The following SLC4A8 variants were observed in gnomAD, a reference collection of about 807,000 sequenced individuals.
SLC4A8 encodes electroneutral sodium bicarbonate exchanger 1.
In SLC4A8, 40 loss-of-function variants were observed where a neutral mutation model predicts 125.0. That is an observed-to-expected ratio of 0.32 (90% CI 0.25 to 0.42). The LOEUF is 0.42. Ranked by LOEUF, SLC4A8 falls within the 10% of genes least tolerant of loss-of-function variation. The pLI is 1.00. For synonymous variants in SLC4A8, 456 were observed against 476.0 expected, an observed-to-expected ratio of 0.96 and a Z score of 0.55; for missense variants, 863 against 1,355.1, an observed-to-expected ratio of 0.64 and a Z score of 5.70.
intron 14 of SLC4A8, 121 bp downstream of exon 14, chr12:51,471,653 C>A: frequency 9.0e-7 from 1 of 1,108,624 alleles, no homozygotes; most frequent in Non-Finnish European, 1.3e-6. Context: ...CTTTAGGAAA[C>A]GGATCTCAGA....
chr12:51,498,417 T>C (rs1197167951), intron 22 of SLC4A8, among the ~76,000 whole-genome samples: 1 of 152,050 alleles, frequency 6.6e-6, no homozygotes, highest in Non-Finnish European at 1.5e-5. Context: ...AAGAAATGAT[T>C]GTGCAGCATC....
Position 51,433,880 on chromosome 12 carries a change from G to GTTTTTTTTTTTTTTT in SLC4A8, c.49-6826_49-6825insTTTTTTTTTTTTTTT, listed in dbSNP as rs1565772475. ...TTTTTTTTTTTTTTTTTTTTTTTTG[G>GTTTTTTTTTTTTTTT]TTGGTTTTTTTTTGAGACAGGGTCT... On this transcript the variant is annotated intron_variant, in intron 1 of 24. Coordinates refer to ENST00000453097, the MANE Select transcript of SLC4A8 (RefSeq NM_001039960.3). 2.8e-4 allele frequency among the ~76,000 whole-genome samples: 20 copies of GTTTTTTTTTTTTTTT among 71,732 alleles called. 1 individual carries two copies. The highest frequency in any genetic ancestry group is 4.1e-4 in the Admixed American group (3 of 7,400). The allele number at this position is 71,732 out of a possible 152,430, so 47.1% of individuals were successfully genotyped here.
intron 16 of SLC4A8, 30 bp downstream of exon 16, chr12:51,475,236 C>T (rs951146644): frequency 1.1e-5 from 18 of 1,606,806 alleles, no homozygotes; most frequent in East Asian, 4.5e-5. Flanking sequence ...ATTTCTTTCA[C>T]GTTAGAATCA....
intron 1 of SLC4A8, among the ~76,000 whole-genome samples, chr12:51,410,165 G>A (rs1318994432): frequency 6.6e-6 from 1 of 152,192 alleles, no homozygotes; most frequent in Non-Finnish European, 1.5e-5. Context: ...CACAGTGCAT[G>A]GGAGTGCCTG....
At position 51,508,717 on chromosome 12, in the gene SLC4A8, T is replaced by C. The variant is rs1592287733; in HGVS notation, c.*1279T>C. On this transcript the variant is annotated 3_prime_UTR_variant, in exon 25 of 25. Coordinates refer to ENST00000453097, the MANE Select transcript of SLC4A8 (RefSeq NM_001039960.3). ...CTTCTCTTCTATGTTGCAATGAATG[T>C]AAAGTATTTGGGATCCAGTGCTTAT... The C allele has an allele frequency of 1.3e-5, 2 of 152,396 alleles. No individual in the cohort carries two copies. The highest frequency in any genetic ancestry group is 3.9e-4 in the East Asian group (2 of 5,188). 9.4% of individuals were successfully genotyped at this position (152,396 alleles called of 1,614,324 possible). A position where few individuals can be genotyped will look rare whatever the true frequency, so the allele number is the denominator to read the frequency against.
chr12:51,456,692 C>T (rs745823861), intron 5 of SLC4A8, among the ~76,000 whole-genome samples: 8 of 152,172 alleles, frequency 5.3e-5, no homozygotes, highest in Non-Finnish European at 8.8e-5. Context: ...ACAATGTGGG[C>T]CTTTAACTCC....
At chr12:51,411,324 A>C (rs572234856) in intron 1 of SLC4A8, among the ~76,000 whole-genome samples, 15 of 152,170 alleles carry the variant, frequency 9.9e-5, no homozygotes, top group African/African-American at 3.4e-4. Context: ...GCAGTGGCTC[A>C]CACCTGTAAT....
At chr12:51,476,084 A>G (rs1381640039) in intron 16 of SLC4A8, among the ~76,000 whole-genome samples, 1 of 152,224 alleles carries the variant, frequency 6.6e-6, no homozygotes, top group Non-Finnish European at 1.5e-5. Flanking sequence ...GCTAAACCTC[A>G]AACATACGAA....
chr12:51,500,373 TTTATG>T (rs1262418329), intron 22 of SLC4A8, among the ~76,000 whole-genome samples: 1 of 152,212 alleles, frequency 6.6e-6, no homozygotes, highest in Non-Finnish European at 1.5e-5. Flanking sequence ...TGTTCATTTC[TTTATG>T]TTGTTTTCAA....
upstream of SLC4A8, among the ~76,000 whole-genome samples, chr12:51,424,115 A>T (rs1407966787): frequency 2.7e-5 from 4 of 149,304 alleles, no homozygotes; most frequent in Non-Finnish European, 4.5e-5. Flanking sequence ...TTTCTTGAGG[A>T]GAGAGGGTTG....
At chr12:51,456,190 GA>G (rs1950145911) in intron 5 of SLC4A8, among the ~76,000 whole-genome samples, 1 of 68,070 alleles carries the variant, frequency 1.5e-5, no homozygotes, top group Non-Finnish European at 4.5e-5. Flanking sequence ...GACAGGAGGT[GA>G]TAGATAGAGG....
At chr12:51,479,900 T>C (rs1950971131) in intron 16 of SLC4A8, 1 of 368,686 alleles carries the variant, frequency 2.7e-6, no homozygotes, top group Admixed American at 3.9e-5. Flanking sequence ...AAGTGTACTA[T>C]GGCTGCCCTT....
At chr12:51,412,351 T>C (rs183273869) in intron 1 of SLC4A8, among the ~76,000 whole-genome samples, 1 of 152,226 alleles carries the variant, frequency 6.6e-6, no homozygotes, top group East Asian at 1.9e-4. Context: ...GATATTTTGA[T>C]ACATGCATAC....
chr12:51,412,668 A>C (rs1948617299), intron 1 of SLC4A8, among the ~76,000 whole-genome samples: 1 of 152,206 alleles, frequency 6.6e-6, no homozygotes, highest in Non-Finnish European at 1.5e-5. Context: ...CATATAAGTG[A>C]GAACATGTGA....
intron 1 of SLC4A8, among the ~76,000 whole-genome samples, chr12:51,411,865 G>A (rs114657499): frequency 0.014 from 2,168 of 151,972 alleles, 57 homozygotes; most frequent in East Asian, 0.1. Context: ...CCGGAGGATC[G>A]CTTGAGCCCA....
upstream of SLC4A8, among the ~76,000 whole-genome samples, chr12:51,420,389 G>A (rs1948763549): frequency 6.6e-6 from 1 of 152,122 alleles, no homozygotes; most frequent in South Asian, 2.1e-4. Flanking sequence ...GAAAAAACTG[G>A]TTGCAAATTA....
chr12:51,467,090 T>C (rs1950543473), intron 11 of SLC4A8, among the ~76,000 whole-genome samples: 1 of 152,146 alleles, frequency 6.6e-6, no homozygotes, highest in Admixed American at 6.5e-5. Context: ...TAAGATGCTA[T>C]GTTAGCTAAG....
chr12:51,400,757 T>TACACACACACACACAC (rs1948362574), intron 1 of SLC4A8, among the ~76,000 whole-genome samples: 2 of 7,366 alleles, frequency 2.7e-4, no homozygotes, highest in African/African-American at 5.3e-4. Flanking sequence ...TATATATATA[T>TACACACACACACACAC]ATATATATAT....
chr12:51,408,895 C>T (rs370367534), intron 1 of SLC4A8, among the ~76,000 whole-genome samples: 23 of 152,226 alleles, frequency 1.5e-4, no homozygotes, highest in African/African-American at 5.1e-4. Context: ...TGACTAGGTA[C>T]CCAGTCTTGT....
Sources: allele counts gnomAD v4.1 joint callset (sites outside exome capture counted in the v4.1 genomes callset), GRCh38; gene constraint gnomAD v4.1.1; transcripts MANE v1.5; gene names NCBI Gene and HGNC (gene_info 2026-07-23, HGNC 2026-07-21).